Variants in IL1RAPL2 observed in about 807,000 individuals in gnomAD.
The protein encoded by IL1RAPL2 is X-linked interleukin-1 receptor accessory protein-like 2.
In IL1RAPL2, 3 loss-of-function variants were observed where a neutral mutation model predicts 44.1. The ratio of observed to expected loss-of-function variants is 0.07; its 90% CI spans 0.03 to 0.18. The LOEUF (loss-of-function observed/expected upper bound fraction) is 0.18, where lower values mean the gene tolerates loss of function less well. IL1RAPL2 is among the 10% of genes least tolerant of loss of function. The probability of loss-of-function intolerance (pLI) is 1.00; values close to 1 mark genes in which losing one functional copy is unlikely to be tolerated. For missense variants in IL1RAPL2, 391 were observed against 496.4 expected, an observed-to-expected ratio of 0.79 and a Z score of 2.02; for synonymous variants, 181 against 178.8, an observed-to-expected ratio of 1.01 and a Z score of -0.10.
intron 6 of IL1RAPL2, among the ~76,000 whole-genome samples, chrX:105,613,075 C>CA (rs954999516): frequency 1.8e-5 from 2 of 111,383 alleles, no homozygotes; most frequent in African/African-American, 6.5e-5. Flanking sequence ...CTTGTGGCTC[C>CA]AAAAAAGATA....
rs563768102 is a variant in IL1RAPL2, at chrX:104,923,896, T to C, written c.82+264901T>C. Among the ~76,000 whole-genome samples, 47 of 110,045 alleles carry C rather than the reference T, an allele frequency of 4.3e-4. No individual in the cohort carries two copies. The South Asian group carries it at 0.016, about 38-fold the overall frequency. ...AAAAAAAAAATAAGATCCAACCACC[T>C]GCTACCTATAAGAGACCCACCAAAT... On this transcript the variant is annotated intron_variant, in intron 2 of 10. Transcript: ENST00000372582.
chrX:105,402,669 T>G lies in IL1RAPL2; in HGVS notation c.698-81644T>G, dbSNP rs188671723. ...TAAAATCTTGTACAGATTCCAGTTCTGAACATATGTCTCATACTCTATGTG... is the reference window on the plus strand; with the variant it reads ...TAAAATCTTGTACAGATTCCAGTTCGGAACATATGTCTCATACTCTATGTG... On this transcript the variant is annotated intron_variant, in intron 5 of 10. Coordinates refer to ENST00000372582, the MANE Select transcript of IL1RAPL2 (RefSeq NM_017416.2). Among the ~76,000 whole-genome samples, 501 of 111,681 alleles carry G rather than the reference T, an allele frequency of 4.5e-3. 4 individuals carry two copies. Among genetic ancestry groups the G allele is most frequent in the African/African-American group, 0.015 (475 of 30,825 alleles).
intron 3 of IL1RAPL2, among the ~76,000 whole-genome samples, chrX:105,217,768 C>T (rs1241441247): frequency 2.7e-5 from 3 of 111,839 alleles, no homozygotes; most frequent in African/African-American, 9.8e-5. Flanking sequence ...TACTATGCAG[C>T]CATAAAAAGA....
intron 2 of IL1RAPL2, among the ~76,000 whole-genome samples, chrX:104,777,253 C>T (rs944312224): frequency 9.0e-6 from 1 of 110,648 alleles, no homozygotes. Context: ...TCTACTGTTT[C>T]TATAAATATG....
intron 2 of IL1RAPL2, among the ~76,000 whole-genome samples, chrX:104,973,963 T>A (rs917307226): frequency 9.8e-5 from 11 of 112,233 alleles, no homozygotes; most frequent in Admixed American, 3.8e-4. Context: ...TGTTCCCTCA[T>A]ATTTTGAACC....
intron 1 of IL1RAPL2, among the ~76,000 whole-genome samples, chrX:104,643,551 G>A (rs1462124291): frequency 9.0e-6 from 1 of 111,177 alleles, no homozygotes; most frequent in Non-Finnish European, 1.9e-5. Context: ...AGTTTTAAAG[G>A]GGAAAATATC....
intron 2 of IL1RAPL2, among the ~76,000 whole-genome samples, chrX:104,784,019 T>A (rs1312839672): frequency 9.0e-6 from 1 of 111,068 alleles, no homozygotes; most frequent in Non-Finnish European, 1.9e-5. Context: ...CCCTGCTCTA[T>A]TTACTGAGTT....
chrX:104,988,440 A>G (rs2030601470), intron 2 of IL1RAPL2, among the ~76,000 whole-genome samples: 1 of 112,231 alleles, frequency 8.9e-6, no homozygotes, highest in African/African-American at 3.2e-5. Context: ...AACTAGATGT[A>G]ATATCTTGTT....
At chrX:104,865,210 CA>C (rs1480877739) in intron 2 of IL1RAPL2, among the ~76,000 whole-genome samples, 1 of 111,438 alleles carries the variant, frequency 9.0e-6, no homozygotes, top group African/African-American at 3.3e-5. Context: ...AGGTTAGTGC[CA>C]CCAACAAGGA....
chrX:104,948,407 A>T (rs1229819272), intron 2 of IL1RAPL2, among the ~76,000 whole-genome samples: 1 of 101,240 alleles, frequency 9.9e-6, no homozygotes, highest in Non-Finnish European at 2.0e-5. Flanking sequence ...AATACCCTTT[A>T]TTTCCTTCTC....
chrX:105,665,300 C>G (rs985711869), intron 6 of IL1RAPL2, among the ~76,000 whole-genome samples: 4 of 110,101 alleles, frequency 3.6e-5, no homozygotes, highest in Non-Finnish European at 7.6e-5. Flanking sequence ...GGAGCTCAGC[C>G]TTACATAAAA....
chrX:104,896,855 G>A (rs890102933), intron 2 of IL1RAPL2, among the ~76,000 whole-genome samples: 1 of 111,186 alleles, frequency 9.0e-6, no homozygotes, highest in African/African-American at 3.3e-5. Flanking sequence ...TGAAGTCAGT[G>A]AGACCACAAA....
chrX:105,023,705 A>G (rs1037055494), intron 2 of IL1RAPL2, among the ~76,000 whole-genome samples: 3 of 111,807 alleles, frequency 2.7e-5, no homozygotes, highest in Non-Finnish European at 5.7e-5. Flanking sequence ...ATAGATGCTT[A>G]GGGAAAGAAA....
chrX:104,755,853 A>ATGT (rs1320180873), intron 2 of IL1RAPL2, among the ~76,000 whole-genome samples: 2 of 111,475 alleles, frequency 1.8e-5, no homozygotes, highest in Non-Finnish European at 3.8e-5. Context: ...AGTAAATGCA[A>ATGT]TGTAACAAAA....
At chrX:105,276,254 T>G (rs112690850) in intron 5 of IL1RAPL2, among the ~76,000 whole-genome samples, 11,931 of 111,028 alleles carry the variant, frequency 0.11, 1,567 homozygotes, top group African/African-American at 0.37. Context: ...AAGAAAAATA[T>G]AAAATTAGCC....
chrX:104,855,700 C>CTTTTTTTTT (rs1922346311), intron 2 of IL1RAPL2, among the ~76,000 whole-genome samples: 1 of 39,331 alleles, frequency 2.5e-5, no homozygotes, highest in African/African-American at 8.6e-5. Context: ...TTTTTTTTTA[C>CTTTTTTTTT]TGTATCTCTC....
At chrX:105,336,783 TTCTGC>T (rs911616682) in intron 5 of IL1RAPL2, among the ~76,000 whole-genome samples, 3 of 112,245 alleles carry the variant, frequency 2.7e-5, no homozygotes, top group African/African-American at 9.7e-5. Flanking sequence ...ACATAATACC[TTCTGC>T]CTAATCGCCA....
At chrX:104,664,462 C>T (rs971982152) in intron 2 of IL1RAPL2, among the ~76,000 whole-genome samples, 2 of 111,712 alleles carry the variant, frequency 1.8e-5, no homozygotes, top group Non-Finnish European at 3.8e-5. Flanking sequence ...TGTCCCCAGT[C>T]GGAGAGCTGG....
At chrX:104,732,910 A>T (rs1464977506) in intron 2 of IL1RAPL2, among the ~76,000 whole-genome samples, 1 of 111,867 alleles carries the variant, frequency 8.9e-6, no homozygotes, top group Non-Finnish European at 1.9e-5. Context: ...AATAAGTTTT[A>T]TTAATGAAAT....
Sources: allele counts gnomAD v4.1 joint callset (sites outside exome capture counted in the v4.1 genomes callset), GRCh38; gene constraint gnomAD v4.1.1; transcripts MANE v1.5; gene names NCBI Gene and HGNC (gene_info 2026-07-23, HGNC 2026-07-21).